The following CDC14A variants were observed in gnomAD, a reference collection of about 807,000 sequenced individuals.
CDC14A encodes the protein dual specificity protein phosphatase CDC14A.
Under a neutral mutation model 74.4 loss-of-function variants are expected in CDC14A, and 53 were observed. That is an observed-to-expected ratio of 0.71 (90% confidence interval 0.57 to 0.89). CDC14A has a LOEUF of 0.89. Among genes scored for constraint, CDC14A ranks in the 40% least tolerant of loss-of-function variants. CDC14A has a pLI of 0.00. For missense variants in CDC14A, 646 were observed against 713.7 expected, an observed-to-expected ratio of 0.91 and a Z score of 1.08; for synonymous variants, 247 against 258.4, an observed-to-expected ratio of 0.96 and a Z score of 0.43.
At chr1:100,488,332 G>C (rs1030433186) in intron 11 of CDC14A, among the ~76,000 whole-genome samples, 2 of 152,134 alleles carry the variant, frequency 1.3e-5, no homozygotes, top group Non-Finnish European at 2.9e-5. Context: ...ACATACCTGA[G>C]GTAGAGGTCA....
At chr1:100,479,365 C>T (rs1669228996) in intron 10 of CDC14A, among the ~76,000 whole-genome samples, 1 of 152,058 alleles carries the variant, frequency 6.6e-6, no homozygotes. Context: ...GATTTTAGTG[C>T]ACCCATCACC....
chr1:100,373,781 C>T (rs1654818681), intron 2 of CDC14A, among the ~76,000 whole-genome samples: 3 of 150,086 alleles, frequency 2.0e-5, no homozygotes, highest in African/African-American at 7.3e-5. Flanking sequence ...TATTTCAAAT[C>T]ACTGCTGCTT....
At chr1:100,461,955 T>A (rs771137620) in intron 8 of CDC14A, among the ~76,000 whole-genome samples, 23 of 152,208 alleles carry the variant, frequency 1.5e-4, no homozygotes, top group Non-Finnish European at 2.5e-4. Context: ...TAAATTTTAC[T>A]TTCTAAATGA....
At chr1:100,362,611 A>G (rs1191680537) in intron 2 of CDC14A, among the ~76,000 whole-genome samples, 1 of 152,238 alleles carries the variant, frequency 6.6e-6, no homozygotes, top group Non-Finnish European at 1.5e-5. Context: ...TTACTGAAGC[A>G]AAGTAGAGCT....
In CDC14A at chr1:100,420,120, GTTTTTTTT is replaced by G. The variant is rs61463263; in HGVS notation, c.310-4084_310-4077del. ...GTGTGTGTTATGCTTTGCTGAAAAG[GTTTTTTTT>G]TTTTTTTTTTTTTTTTTGGAGGAAA... On this transcript the variant is annotated intron_variant, in intron 4 of 15. Coordinates refer to ENST00000336454, the MANE Select transcript of CDC14A (RefSeq NM_003672.4). Among the ~76,000 whole-genome samples, 55 of 48,202 alleles carry G rather than the reference GTTTTTTTT, an allele frequency of 1.1e-3. 3 individuals are homozygous for G. The East Asian group carries it at 0.02, about 17-fold the overall frequency. The allele number at this position is 48,202 out of a possible 152,430, so 31.6% of individuals were successfully genotyped here.
intron 7 of CDC14A, among the ~76,000 whole-genome samples, chr1:100,452,389 G>A (rs1349828904): frequency 6.6e-6 from 1 of 152,106 alleles, no homozygotes; most frequent in Non-Finnish European, 1.5e-5. Flanking sequence ...GTGTGTGCCT[G>A]TAATCCCAGC....
intron 4 of CDC14A, among the ~76,000 whole-genome samples, chr1:100,406,364 G>A (rs1659949474): frequency 6.6e-6 from 1 of 152,084 alleles, no homozygotes; most frequent in Admixed American, 6.6e-5. Context: ...CTTTTGCTGT[G>A]CAGAAGCTCT....
At position 100,352,621 on chromosome 1, in the gene CDC14A, A is replaced by C; in HGVS notation, c.-334A>C. 4 of 1,163,084 alleles carry C rather than the reference A, an allele frequency of 3.4e-6. No homozygotes were observed. Among genetic ancestry groups the C allele is most frequent in the East Asian group, 6.1e-5 (1 of 16,468 alleles). The allele number at this position is 1,163,084 out of a possible 1,614,324, so 72.0% of individuals were successfully genotyped here. ...CATGATCACTTTGGAAGCCGGGGGA[A>C]GACTTTGCCCTGCCCTGAGAGCTGG... On this transcript the variant is annotated 5_prime_UTR_variant, in exon 1 of 16. Coordinates refer to ENST00000336454, the MANE Select transcript of CDC14A (RefSeq NM_003672.4).
At chr1:100,500,861 TGGTTGC>T (rs1648643991) in intron 15 of CDC14A, among the ~76,000 whole-genome samples, 1 of 148,382 alleles carries the variant, frequency 6.7e-6, no homozygotes, top group South Asian at 2.1e-4. Context: ...TGTTCATGTG[TGGTTGC>T]ATTAGATTCA....
upstream of CDC14A, among the ~76,000 whole-genome samples, chr1:100,349,970 T>C (rs76780046): frequency 1.6e-4 from 11 of 70,950 alleles, no homozygotes; most frequent in Non-Finnish European, 3.0e-4. Context: ...TTTTTTTTTT[T>C]GAAACATAGT....
intron 2 of CDC14A, among the ~76,000 whole-genome samples, chr1:100,357,176 T>A (rs1418378931): frequency 1.3e-5 from 2 of 152,134 alleles, no homozygotes; most frequent in African/African-American, 2.4e-5. Flanking sequence ...CTGTTAGATA[T>A]CACATACATT....
chr1:100,378,630 A>C (rs1419209748), intron 3 of CDC14A, among the ~76,000 whole-genome samples: 1 of 152,208 alleles, frequency 6.6e-6, no homozygotes, highest in Admixed American at 6.5e-5. Flanking sequence ...TTGATTTCAA[A>C]GTGAGAGGTG....
chr1:100,397,260 T>G (rs1257934451), intron 4 of CDC14A, among the ~76,000 whole-genome samples: 2 of 152,198 alleles, frequency 1.3e-5, no homozygotes, highest in Admixed American at 6.5e-5. Flanking sequence ...TAGGGATGCC[T>G]CTACTAGTAG....
chr1:100,488,500 G>T (rs1056355631), intron 11 of CDC14A, among the ~76,000 whole-genome samples: 1 of 152,164 alleles, frequency 6.6e-6, no homozygotes, highest in Non-Finnish European at 1.5e-5. Context: ...AGTAAATTAT[G>T]TACAGTAATT....
intron 2 of CDC14A, among the ~76,000 whole-genome samples, chr1:100,363,946 A>T (rs1653168979): frequency 6.6e-6 from 1 of 152,170 alleles, no homozygotes; most frequent in Non-Finnish European, 1.5e-5. Context: ...CTCGAGCAAC[A>T]TGCTGAAACC....
intron 5 of CDC14A, among the ~76,000 whole-genome samples, chr1:100,438,196 TATATA>T (rs1287384058): frequency 1.3e-5 from 2 of 152,182 alleles, no homozygotes; most frequent in African/African-American, 4.8e-5. Context: ...TAGATCTTGT[TATATA>T]ATATATTAAT....
chr1:100,477,706 G>A lies in CDC14A; in HGVS notation c.978-6586G>A, dbSNP rs868142236. On this transcript the variant is annotated intron_variant, in intron 10 of 15. Coordinates refer to ENST00000336454, the MANE Select transcript of CDC14A (RefSeq NM_003672.4). ...TGACGCAAAAGCATGAATAAGTAAC[G>A]TGTTCATTAAGCAAGAAATAAGAGG... Among the ~76,000 whole-genome samples the A allele has an allele frequency of 2.6e-5, 4 of 152,164 alleles. 1 individual carries two copies. The South Asian group carries it at 8.3e-4, about 32-fold the overall frequency.
At chr1:100,345,944 G>A (rs987234372) in intron 1 of CDC14A, among the ~76,000 whole-genome samples, 1 of 152,142 alleles carries the variant, frequency 6.6e-6, no homozygotes, top group Non-Finnish European at 1.5e-5. Flanking sequence ...AGGCCGAGGT[G>A]GGCAGATCAT....
At chr1:100,437,327 C>T (rs571549025) in intron 5 of CDC14A, among the ~76,000 whole-genome samples, 9 of 152,272 alleles carry the variant, frequency 5.9e-5, no homozygotes, top group African/African-American at 1.4e-4. Flanking sequence ...CCTGTGACTA[C>T]GTATGAGCCA....
Sources: gnomAD v4.1 joint callset for allele counts (sites outside exome capture counted in the v4.1 genomes callset) on GRCh38, gnomAD v4.1.1 for gene constraint, MANE v1.5 for transcripts, NCBI Gene and HGNC (gene_info 2026-07-23, HGNC 2026-07-21) for gene names.